MTUS2: variants seen among roughly 807,000 people sequenced by gnomAD.
MTUS2 encodes microtubule-associated tumor suppressor candidate 2.
MTUS2 carries 40 observed loss-of-function variants against 114.1 expected under a neutral mutation model. That is an observed-to-expected ratio of 0.35 (90% CI 0.27 to 0.46). MTUS2 has a LOEUF of 0.46. MTUS2 is among the 20% of genes least tolerant of loss of function. The probability of loss-of-function intolerance (pLI) is 1.00; values close to 1 mark genes in which losing one functional copy is unlikely to be tolerated. For synonymous variants in MTUS2, 688 were observed against 672.0 expected (o/e 1.02, Z -0.37); for missense variants, 1,679 against 1,705.4 (o/e 0.98, Z 0.27).
chr13:29,065,535 T>C (rs1034221367), intron 4 of MTUS2, among the ~76,000 whole-genome samples: 6 of 152,226 alleles, frequency 3.9e-5, no homozygotes, highest in Admixed American at 2.0e-4. Context: ...TATTAGACCT[T>C]TGTCAGAGGC....
chr13:29,199,707 A>G (rs1424353424), intron 5 of MTUS2, among the ~76,000 whole-genome samples: 1 of 152,098 alleles, frequency 6.6e-6, no homozygotes, highest in Non-Finnish European at 1.5e-5. Context: ...GGCCTCATAA[A>G]ATGAGTTAGG....
chr13:29,505,811 T>C lies in MTUS2; in HGVS notation c.*2605T>C, dbSNP rs1249324932. 1 of 229,262 alleles carries C rather than the reference T, an allele frequency of 4.4e-6. No homozygotes were observed. Among genetic ancestry groups the C allele is most frequent in the African/African-American group, 2.2e-5 (1 of 45,006 alleles). 14.2% of individuals were successfully genotyped at this position (229,262 alleles called of 1,614,324 possible). ...ACAAGGTTCTGGCTGGATGTCAGAA[T>C]GGATGGGGGTGGGGGCAGCCCTGGC... On this transcript the variant is annotated 3_prime_UTR_variant, in exon 16 of 16. Transcript: ENST00000612955.
At chr13:29,030,194 A>C (rs796619385) in intron 3 of MTUS2, among the ~76,000 whole-genome samples, 6 of 152,158 alleles carry the variant, frequency 3.9e-5, no homozygotes, top group African/African-American at 1.2e-4. Flanking sequence ...TCTCTACTTC[A>C]TTATCTAGGC....
intron 2 of MTUS2, among the ~76,000 whole-genome samples, chr13:28,952,637 G>A (rs530212957): frequency 2.6e-5 from 4 of 152,206 alleles, no homozygotes; most frequent in African/African-American, 9.6e-5. Context: ...GTAACCATAT[G>A]TGAACATATA....
chr13:29,064,840 A>G (rs1314270157), intron 4 of MTUS2, among the ~76,000 whole-genome samples: 2 of 152,082 alleles, frequency 1.3e-5, no homozygotes, highest in African/African-American at 4.8e-5. Flanking sequence ...CATGAGTTCT[A>G]ATCACTTAGC....
chr13:29,175,004 C>T (rs929735350), intron 5 of MTUS2, among the ~76,000 whole-genome samples: 5 of 152,086 alleles, frequency 3.3e-5, no homozygotes, highest in Admixed American at 1.3e-4. Flanking sequence ...ATAACATGTT[C>T]GTAAATCAAA....
At chr13:29,372,523 C>T (rs958838011) in intron 8 of MTUS2, among the ~76,000 whole-genome samples, 1 of 151,826 alleles carries the variant, frequency 6.6e-6, no homozygotes, top group African/African-American at 2.4e-5. Context: ...TCTACCTACA[C>T]CTGGTGACAA....
intron 12 of MTUS2, among the ~76,000 whole-genome samples, chr13:29,493,721 G>A (rs890086580): frequency 6.6e-6 from 1 of 152,152 alleles, no homozygotes; most frequent in Admixed American, 6.5e-5. Context: ...TGCCTTCCTC[G>A]TATACACATC....
At chr13:29,116,472 C>G (rs1432401075) in intron 5 of MTUS2, among the ~76,000 whole-genome samples, 1 of 152,050 alleles carries the variant, frequency 6.6e-6, no homozygotes, top group Non-Finnish European at 1.5e-5. Context: ...TTCCAAGACC[C>G]CCAGTGGATG....
intron 2 of MTUS2, among the ~76,000 whole-genome samples, chr13:28,904,610 T>C (rs1266721043): frequency 6.6e-6 from 1 of 152,202 alleles, no homozygotes; most frequent in Non-Finnish European, 1.5e-5. Flanking sequence ...TCCATTGGTC[T>C]ATATCTCTGT....
chr13:29,099,867 T>C (rs762087925), intron 4 of MTUS2, among the ~76,000 whole-genome samples: 22 of 152,228 alleles, frequency 1.4e-4, no homozygotes, highest in African/African-American at 5.1e-4. Context: ...CATAGTGTTG[T>C]GATAATCATT....
intron 2 of MTUS2, among the ~76,000 whole-genome samples, chr13:28,957,664 C>A (rs1883134816): frequency 6.6e-6 from 1 of 150,704 alleles, no homozygotes; most frequent in African/African-American, 2.4e-5. Flanking sequence ...CACTTGAGCA[C>A]CCACAGATTT....
At chr13:29,044,526 C>T (rs1887523268) in intron 4 of MTUS2, among the ~76,000 whole-genome samples, 1 of 151,998 alleles carries the variant, frequency 6.6e-6, no homozygotes, top group Non-Finnish European at 1.5e-5. Flanking sequence ...TATTTTCAGT[C>T]CTAATTCTTC....
At chr13:29,225,477 A>G (rs1054475809) in intron 5 of MTUS2, among the ~76,000 whole-genome samples, 3 of 152,172 alleles carry the variant, frequency 2.0e-5, no homozygotes, top group Non-Finnish European at 4.4e-5. Flanking sequence ...CTCTTTACAC[A>G]ATCATAGAAT....
chr13:28,958,311 A>T (rs779088119), intron 2 of MTUS2, among the ~76,000 whole-genome samples: 25 of 152,190 alleles, frequency 1.6e-4, no homozygotes, highest in South Asian at 4.1e-4. Context: ...TTTTCCCGCA[A>T]GCCTACTGCT....
At chr13:29,221,167 T>C (rs1042069539) in intron 5 of MTUS2, among the ~76,000 whole-genome samples, 3 of 152,216 alleles carry the variant, frequency 2.0e-5, no homozygotes, top group Non-Finnish European at 4.4e-5. Context: ...GAAACATCCT[T>C]GGGAGATTTG....
chr13:29,464,696 ATT>A (rs1288414300), intron 9 of MTUS2, among the ~76,000 whole-genome samples: 1 of 152,178 alleles, frequency 6.6e-6, no homozygotes, highest in Non-Finnish European at 1.5e-5. Flanking sequence ...CACAACCTGA[ATT>A]AGCGTCTGCA....
At chr13:29,329,208 T>G (rs1025661377) in intron 7 of MTUS2, among the ~76,000 whole-genome samples, 1 of 152,186 alleles carries the variant, frequency 6.6e-6, no homozygotes, top group African/African-American at 2.4e-5. Flanking sequence ...GGTGTACACG[T>G]GCCATGGTGG....
chr13:29,193,434 G>T (rs925965138), intron 5 of MTUS2, among the ~76,000 whole-genome samples: 1 of 152,016 alleles, frequency 6.6e-6, no homozygotes, highest in African/African-American at 2.4e-5. Context: ...AAAATCACAG[G>T]CATTCTTATA....
Sources: gnomAD v4.1 joint callset for allele counts (sites outside exome capture counted in the v4.1 genomes callset) on GRCh38, gnomAD v4.1.1 for gene constraint, MANE v1.5 for transcripts, NCBI Gene and HGNC (gene_info 2026-07-23, HGNC 2026-07-21) for gene names.